Variants in SLC25A21 observed in about 807,000 individuals in gnomAD.
The protein encoded by SLC25A21 is solute carrier family 25 member 21.
Under a neutral mutation model 43.8 loss-of-function variants are expected in SLC25A21, and 47 were observed. The ratio of observed to expected loss-of-function variants is 1.07; its 90% CI spans 0.85 to 1.37. The LOEUF (loss-of-function observed/expected upper bound fraction) is 1.37. Among genes scored for constraint, SLC25A21 ranks in the 40% most tolerant of loss-of-function variants. The pLI is 0.00. For missense variants in SLC25A21, 352 were observed against 350.2 expected (o/e 1.00, Z -0.04); for synonymous variants, 131 against 121.3 (o/e 1.08, Z -0.52).
At chr14:36,974,306 T>C (rs1219278397) in intron 1 of SLC25A21, among the ~76,000 whole-genome samples, 1 of 152,210 alleles carries the variant, frequency 6.6e-6, no homozygotes, top group Non-Finnish European at 1.5e-5. Context: ...GAAATATGAC[T>C]CATGCTTTCT....
chr14:36,936,365 C>G (rs1350243603), intron 1 of SLC25A21, among the ~76,000 whole-genome samples: 2 of 152,040 alleles, frequency 1.3e-5, no homozygotes, highest in African/African-American at 4.8e-5. Flanking sequence ...CATCTCCCGG[C>G]CCGGGCCACC....
chr14:36,748,277 C>T (rs1594549189), intron 3 of SLC25A21, among the ~76,000 whole-genome samples: 2 of 152,174 alleles, frequency 1.3e-5, no homozygotes, highest in Non-Finnish European at 1.5e-5. Context: ...GCCTCCACCT[C>T]GGGCTCTGTT....
intron 5 of SLC25A21, among the ~76,000 whole-genome samples, chr14:36,726,453 G>A (rs933621770): frequency 7.1e-6 from 1 of 140,904 alleles, no homozygotes; most frequent in Non-Finnish European, 1.6e-5. Flanking sequence ...AAAAAAAAAA[G>A]AAGAAGAAGA....
intron 1 of SLC25A21, among the ~76,000 whole-genome samples, chr14:36,933,260 C>A (rs1047438722): frequency 1.3e-5 from 2 of 152,218 alleles, no homozygotes; most frequent in African/African-American, 4.8e-5. Flanking sequence ...TGAACATGAG[C>A]CCCACCTGAG....
chr14:37,141,108 G>A (rs1279911714), intron 1 of SLC25A21, among the ~76,000 whole-genome samples: 1 of 152,022 alleles, frequency 6.6e-6, no homozygotes, highest in Non-Finnish European at 1.5e-5. Flanking sequence ...TCACGCCACC[G>A]CACTCCAGCC....
chr14:36,722,295 C>T (rs7153039), intron 6 of SLC25A21, among the ~76,000 whole-genome samples: 16 of 151,842 alleles, frequency 1.1e-4, no homozygotes, highest in African/African-American at 2.7e-4. Flanking sequence ...AGGGATGAAT[C>T]GGCAGAACAC....
chr14:36,999,960 T>C (rs894823141), intron 1 of SLC25A21, among the ~76,000 whole-genome samples: 2 of 152,170 alleles, frequency 1.3e-5, no homozygotes, highest in African/African-American at 2.4e-5. Context: ...TCCAAAAGTC[T>C]AGAACAATGC....
intron 1 of SLC25A21, among the ~76,000 whole-genome samples, chr14:37,062,705 G>A (rs751385795): frequency 6.6e-6 from 1 of 152,102 alleles, no homozygotes; most frequent in Non-Finnish European, 1.5e-5. Flanking sequence ...TCGGGACAGG[G>A]GAGTGACCCT....
chr14:37,055,717 C>T (rs576448050), intron 1 of SLC25A21, among the ~76,000 whole-genome samples: 1 of 152,228 alleles, frequency 6.6e-6, no homozygotes, highest in African/African-American at 2.4e-5. Flanking sequence ...AGTGACCATC[C>T]AGAATTGTAA....
At chr14:37,017,323 G>A (rs1342873741) in intron 1 of SLC25A21, among the ~76,000 whole-genome samples, 1 of 151,990 alleles carries the variant, frequency 6.6e-6, no homozygotes, top group Non-Finnish European at 1.5e-5. Context: ...CTTGGAATAG[G>A]CAGGCCCAAG....
intron 7 of SLC25A21, among the ~76,000 whole-genome samples, chr14:36,694,826 T>C (rs949195985): frequency 5.9e-5 from 9 of 152,286 alleles, no homozygotes; most frequent in South Asian, 2.1e-4. Flanking sequence ...TCGGATGGGT[T>C]GATTGCAAAA....
Position 37,098,805 on chromosome 14 carries a change from A to ATTTT in SLC25A21, c.70+73472_70+73475dup, listed in dbSNP as rs71124791. Among the ~76,000 whole-genome samples the ATTTT allele has an allele frequency of 3.9e-5, 5 of 129,540 alleles. No homozygotes were observed. The South Asian group carries it at 6.7e-4, about 17-fold the overall frequency. The allele number at this position is 129,540 out of a possible 152,430, so 85.0% of individuals were successfully genotyped here. On this transcript the variant is annotated intron_variant, in intron 1 of 9. Coordinates refer to ENST00000331299, the MANE Select transcript of SLC25A21 (RefSeq NM_030631.4). Reference sequence around the variant, plus strand: ...GACAGACAGATAGATAGATAGATAGATTTTTTTTTTTTTTTGAGACAAAGT... The same window carrying ATTTT: ...GACAGACAGATAGATAGATAGATAGATTTTTTTTTTTTTTTTTTTGAGACAAAGT...
chr14:37,017,915 T>C (rs1302222419), intron 1 of SLC25A21, among the ~76,000 whole-genome samples: 2 of 151,964 alleles, frequency 1.3e-5, no homozygotes, highest in African/African-American at 4.8e-5. Flanking sequence ...CTCTAATACA[T>C]GGTTAATGGT....
chr14:36,983,961 C>T (rs376186326), intron 1 of SLC25A21, among the ~76,000 whole-genome samples: 145 of 151,930 alleles, frequency 9.5e-4, no homozygotes, highest in Admixed American at 2.7e-3. Flanking sequence ...CATATAAAGA[C>T]GGAAATAATA....
chr14:36,811,887 T>C (rs1888282879), intron 3 of SLC25A21, among the ~76,000 whole-genome samples: 1 of 152,200 alleles, frequency 6.6e-6, no homozygotes, highest in South Asian at 2.1e-4. Context: ...TTTTTTTTAA[T>C]GTGACATCAT....
intron 1 of SLC25A21, among the ~76,000 whole-genome samples, chr14:37,093,797 AACGT>A (rs1441103161): frequency 1.3e-5 from 2 of 152,224 alleles, no homozygotes; most frequent in African/African-American, 2.4e-5. Flanking sequence ...ATTTCTCTCC[AACGT>A]GGTGGGATTC....
chr14:36,820,161 C>T (rs556185628), intron 2 of SLC25A21, among the ~76,000 whole-genome samples: 2 of 152,250 alleles, frequency 1.3e-5, no homozygotes, highest in South Asian at 4.2e-4. Context: ...GCATTTCTGG[C>T]ATCACCCCTG....
chr14:37,013,602 T>G (rs2138742532), intron 1 of SLC25A21, among the ~76,000 whole-genome samples: 1 of 152,290 alleles, frequency 6.6e-6, no homozygotes, highest in Non-Finnish European at 1.5e-5. Flanking sequence ...CTACACCTAA[T>G]ATTTTGTTAG....
rs192748311 is a variant in SLC25A21, at chr14:36,839,767, T to C, written c.120-25766A>G. On this transcript the variant is annotated intron_variant, in intron 2 of 9. Transcript: ENST00000331299. Reference sequence around the variant, plus strand: ...TTACACAAACCATGATGGTAGAGCCTACTGCACATCTATGCTATAGGGAAT... The same window carrying C: ...TTACACAAACCATGATGGTAGAGCCCACTGCACATCTATGCTATAGGGAAT... Among the ~76,000 whole-genome samples the C allele has an allele frequency of 1.2e-4, 18 of 152,344 alleles. No homozygotes were observed. The East Asian group carries it at 2.9e-3, about 25-fold the overall frequency.
Sources: allele counts gnomAD v4.1 joint callset (sites outside exome capture counted in the v4.1 genomes callset), GRCh38; gene constraint gnomAD v4.1.1; transcripts MANE v1.5; gene names NCBI Gene and HGNC (gene_info 2026-07-23, HGNC 2026-07-21).